DENND4A: variants seen among roughly 807,000 people sequenced by gnomAD.
The protein encoded by DENND4A is DENN domain containing 4A.
Under a neutral mutation model 199.3 loss-of-function variants are expected in DENND4A, and 70 were observed. The observed-to-expected ratio is 0.35, with a 90% CI of 0.29 to 0.43. DENND4A has a LOEUF of 0.43. DENND4A is among the 20% of genes least tolerant of loss of function. The pLI is 1.00. For missense variants in DENND4A, 1,723 were observed against 2,255.8 expected, an observed-to-expected ratio of 0.76 and a Z score of 4.78; for synonymous variants, 686 against 766.9, an observed-to-expected ratio of 0.89 and a Z score of 1.74.
intron 3 of DENND4A, among the ~76,000 whole-genome samples, chr15:65,753,469 C>T (rs1451370989): frequency 6.6e-6 from 1 of 152,118 alleles, no homozygotes; most frequent in Non-Finnish European, 1.5e-5. Flanking sequence ...AGCGATTCTC[C>T]AGCCTCAGCC....
At chr15:65,698,421 G>C (rs1364449503) in intron 20 of DENND4A, among the ~76,000 whole-genome samples, 1 of 152,126 alleles carries the variant, frequency 6.6e-6, no homozygotes. Flanking sequence ...GGAGACATAT[G>C]ATTTTAAGTA....
At chr15:65,784,959 C>G (rs2077528593) in intron 1 of DENND4A, among the ~76,000 whole-genome samples, 1 of 151,908 alleles carries the variant, frequency 6.6e-6, no homozygotes, top group South Asian at 2.1e-4. Flanking sequence ...ACCAGCCTGA[C>G]CAAGATGGTG....
chr15:65,773,428 G>A (rs2077194943), intron 1 of DENND4A, among the ~76,000 whole-genome samples: 1 of 152,088 alleles, frequency 6.6e-6, no homozygotes, highest in African/African-American at 2.4e-5. Flanking sequence ...TACATGATAA[G>A]TCTATAACAG....
intron 1 of DENND4A, among the ~76,000 whole-genome samples, chr15:65,783,080 AATTT>A (rs2077474692): frequency 6.6e-6 from 1 of 152,014 alleles, no homozygotes; most frequent in African/African-American, 2.4e-5. Context: ...ATTACCATGT[AATTT>A]AGATCAATTT....
chr15:65,686,352 TATAA>T (rs2076780450), intron 23 of DENND4A, among the ~76,000 whole-genome samples: 1 of 152,220 alleles, frequency 6.6e-6, no homozygotes, highest in South Asian at 2.1e-4. Context: ...GTGTATATTC[TATAA>T]ATGTCAATTA....
In DENND4A at chr15:65,701,043, T is replaced by A. The variant is rs774404387; in HGVS notation, c.2701+8A>T. ...TTGAAGAACAAGTAAAACACATACA[T>A]CCCTTACCTGAGAGAGTTGTTTGTG... On this transcript the variant is annotated splice_region_variant and intron_variant, in intron 19 of 32. Coordinates refer to ENST00000443035, the MANE Select transcript of DENND4A (RefSeq NM_001320835.1). The A allele has an allele frequency of 1.9e-6, 3 of 1,602,406 alleles. No homozygotes were observed. The highest frequency in any genetic ancestry group is 1.1e-5 in the South Asian group (1 of 87,514).
intron 14 of DENND4A, among the ~76,000 whole-genome samples, chr15:65,709,459 A>T (rs965895923): frequency 2.6e-5 from 4 of 151,936 alleles, no homozygotes; most frequent in African/African-American, 9.7e-5. Flanking sequence ...TAATCCCAGC[A>T]CTTTGGGAGG....
In DENND4A at chr15:65,792,232, C is replaced by T. The variant is rs993041644; in HGVS notation, c.-324G>A. 2.6e-5 allele frequency: 4 copies of T among 152,200 alleles called. No individual in the cohort carries two copies. The highest frequency in any genetic ancestry group is 9.7e-5 in the African/African-American group (4 of 41,388). 9.4% of individuals were successfully genotyped at this position (152,200 alleles called of 1,614,324 possible). A position where few individuals can be genotyped will look rare whatever the true frequency, so the allele number is the denominator to read the frequency against. On this transcript the variant is annotated 5_prime_UTR_variant, in exon 1 of 33. Transcript: ENST00000443035. Reference sequence around the variant, plus strand: ...CCCCCTCCCCTCGCGGCCGCCACTGCCTCCGCCTCTTTCTCCGACTCTAGC... The same window carrying T: ...CCCCCTCCCCTCGCGGCCGCCACTGTCTCCGCCTCTTTCTCCGACTCTAGC...
chr15:65,685,972 T>G (rs759841172), intron 23 of DENND4A, among the ~76,000 whole-genome samples: 1 of 152,220 alleles, frequency 6.6e-6, no homozygotes, highest in Admixed American at 6.5e-5. Flanking sequence ...GTCCTCCAAC[T>G]TTTTCTTTTT....
intron 23 of DENND4A, chr15:65,681,213 G>T (rs1171310574): frequency 6.6e-6 from 1 of 152,140 alleles, no homozygotes; most frequent in East Asian, 1.9e-4. Flanking sequence ...CACCATATCT[G>T]CATAATTCCT....
In DENND4A at chr15:65,701,754, G is replaced by A. The variant is rs1443380268; in HGVS notation, c.2559+8C>T. 9 of 1,612,686 alleles carry A rather than the reference G, an allele frequency of 5.6e-6. No homozygotes were observed. Among genetic ancestry groups the A allele is most frequent in the Non-Finnish European group, 6.8e-6 (8 of 1,179,084 alleles). On this transcript the variant is annotated splice_region_variant and intron_variant, in intron 18 of 32. Coordinates refer to ENST00000443035, the MANE Select transcript of DENND4A (RefSeq NM_001320835.1). The stretch of plus-strand genomic sequence containing the variant: ...AATACTCTTTATCCATTAAACCAAG[G>A]TATTTACCTTATTATAATAACCATA...
intron 1 of DENND4A, among the ~76,000 whole-genome samples, chr15:65,762,632 T>A (rs968043411): frequency 2.1e-4 from 32 of 152,012 alleles, no homozygotes; most frequent in African/African-American, 7.7e-4. Flanking sequence ...CTATCTCCAA[T>A]GAATGAATGA....
At chr15:65,663,206 T>TA (rs1566978812) in intron 32 of DENND4A, among the ~76,000 whole-genome samples, 80 of 144,840 alleles carry the variant, frequency 5.5e-4, no homozygotes, top group African/African-American at 1.8e-3. Context: ...ATATTTTTTT[T>TA]TTTTTATTTT....
At position 65,749,175 on chromosome 15, in the gene DENND4A, C is replaced by T. The variant is rs186071201; in HGVS notation, c.561+3204G>A. Among the ~76,000 whole-genome samples the T allele has an allele frequency of 9.3e-5, 14 of 151,132 alleles. No individual in the cohort carries two copies. In the East Asian group the frequency reaches 2.3e-3, roughly 25 times the overall value. On this transcript the variant is annotated intron_variant, in intron 4 of 32. Coordinates refer to ENST00000443035, the MANE Select transcript of DENND4A (RefSeq NM_001320835.1). Reference sequence around the variant, plus strand: ...GGATAAAATCTTAATAGTAAATATGCGCTTTGATCCAGAAATTCCAGGACG... The same window carrying T: ...GGATAAAATCTTAATAGTAAATATGTGCTTTGATCCAGAAATTCCAGGACG...
At chr15:65,708,123 A>G (rs1487753117) in intron 14 of DENND4A, among the ~76,000 whole-genome samples, 2 of 151,986 alleles carry the variant, frequency 1.3e-5, no homozygotes, top group African/African-American at 4.8e-5. Context: ...TAGTCTCTCA[A>G]GTAGCTGGGA....
intron 4 of DENND4A, among the ~76,000 whole-genome samples, chr15:65,742,845 C>A (rs996478462): frequency 2.2e-4 from 34 of 152,068 alleles, no homozygotes; most frequent in African/African-American, 8.2e-4. Context: ...GTTTTCTTCA[C>A]CACTGTACTC....
intron 4 of DENND4A, among the ~76,000 whole-genome samples, chr15:65,747,264 T>TA (rs1362271914): frequency 6.6e-6 from 1 of 152,220 alleles, no homozygotes; most frequent in Non-Finnish European, 1.5e-5. Flanking sequence ...ATGACCACTC[T>TA]AAGTTCTCAT....
chr15:65,740,930 C>G (rs957024051), intron 5 of DENND4A, among the ~76,000 whole-genome samples: 1 of 152,010 alleles, frequency 6.6e-6, no homozygotes, highest in Non-Finnish European at 1.5e-5. Context: ...CCACTGTACT[C>G]CAGCCTGAGC....
At chr15:65,704,363 A>G (rs1467316619) in intron 15 of DENND4A, among the ~76,000 whole-genome samples, 2 of 152,188 alleles carry the variant, frequency 1.3e-5, no homozygotes, top group Admixed American at 6.5e-5. Flanking sequence ...ACGTCTTCAG[A>G]TAAGTAATTT....
Sources: gnomAD v4.1 joint callset for allele counts (sites outside exome capture counted in the v4.1 genomes callset) on GRCh38, gnomAD v4.1.1 for gene constraint, MANE v1.5 for transcripts, NCBI Gene and HGNC (gene_info 2026-07-23, HGNC 2026-07-21) for gene names.